The following NFIA variants were observed in gnomAD, a reference collection of about 807,000 sequenced individuals.
The protein encoded by NFIA is nuclear factor 1 A-type.
Under a neutral mutation model 62.8 loss-of-function variants are expected in NFIA, and 8 were observed. The observed-to-expected ratio is 0.13, with a 90% CI of 0.07 to 0.23. The LOEUF (loss-of-function observed/expected upper bound fraction) is 0.23, where lower values mean the gene tolerates loss of function less well. Among genes scored for constraint, NFIA ranks in the 10% least tolerant of loss-of-function variants. The pLI, the probability that NFIA is intolerant of heterozygous loss-of-function variation, is 1.00. For synonymous variants in NFIA, 235 were observed against 238.1 expected, an observed-to-expected ratio of 0.99 and a Z score of 0.12; for missense variants, 410 against 642.1, an observed-to-expected ratio of 0.64 and a Z score of 3.91.
intron 9 of NFIA, among the ~76,000 whole-genome samples, chr1:61,407,045 C>G (rs555725270): frequency 1.3e-5 from 2 of 152,216 alleles, no homozygotes; most frequent in Non-Finnish European, 2.9e-5. Context: ...GCAGCAGCTA[C>G]TTACATGGAT....
At chr1:61,225,923 C>T (rs957024510) in intron 2 of NFIA, among the ~76,000 whole-genome samples, 4 of 152,054 alleles carry the variant, frequency 2.6e-5, no homozygotes, top group Non-Finnish European at 2.9e-5. Context: ...GAATGGCTTG[C>T]AACTTTAAGG....
chr1:61,136,428 T>C (rs1186849494), intron 2 of NFIA, among the ~76,000 whole-genome samples: 2 of 152,150 alleles, frequency 1.3e-5, no homozygotes, highest in Non-Finnish European at 2.9e-5. Context: ...TTAGACAAAT[T>C]ATACGCAAAC....
chr1:61,155,667 G>A (rs1232931421), intron 2 of NFIA, among the ~76,000 whole-genome samples: 5 of 62,400 alleles, frequency 8.0e-5, no homozygotes, highest in Admixed American at 7.9e-4. Context: ...GCGACAGAGC[G>A]AGACTCCATC....
chr1:61,305,440 G>A (rs765060802), intron 3 of NFIA, among the ~76,000 whole-genome samples: 1 of 152,200 alleles, frequency 6.6e-6, no homozygotes. Context: ...ATGAACAGCA[G>A]AAAACAAGAG....
intron 2 of NFIA, among the ~76,000 whole-genome samples, chr1:61,263,050 A>G (rs998686521): frequency 1.3e-5 from 2 of 152,166 alleles, no homozygotes; most frequent in African/African-American, 4.8e-5. Flanking sequence ...AAGAGTTGCT[A>G]TTTCTGTCAC....
At chr1:61,109,689 A>G (rs1325595460) in intron 2 of NFIA, among the ~76,000 whole-genome samples, 1 of 151,986 alleles carries the variant, frequency 6.6e-6, no homozygotes, top group African/African-American at 2.4e-5. Flanking sequence ...CATTCTTAAT[A>G]TATTGAGATT....
chr1:61,437,455 G>A (rs1310439619), intron 10 of NFIA, among the ~76,000 whole-genome samples: 1 of 152,002 alleles, frequency 6.6e-6, no homozygotes, highest in African/African-American at 2.4e-5. Flanking sequence ...TGGATTCCTA[G>A]CTCATCTCTC....
Position 61,332,462 on chromosome 1 carries a change from A to C in NFIA, c.626-50A>C, listed in dbSNP as rs764758890. 16 of 1,524,748 alleles carry C rather than the reference A, an allele frequency of 1.0e-5. No individual in the cohort carries two copies. In the East Asian group the frequency reaches 3.2e-4, roughly 30 times the overall value. The allele number at this position is 1,524,748 out of a possible 1,614,324, so 94.5% of individuals were successfully genotyped here. On this transcript the variant is annotated intron_variant, in intron 3 of 10. Coordinates refer to ENST00000403491, the MANE Select transcript of NFIA (RefSeq NM_001134673.4). ...ACTAATATTTAAAGCTCTGTTGTCA[A>C]ATGTCTTGTATTTATGACACTTTGT... is the stretch of plus-strand genomic sequence containing the variant.
intron 10 of NFIA, among the ~76,000 whole-genome samples, chr1:61,428,731 GT>G (rs1221345301): frequency 6.6e-6 from 1 of 152,072 alleles, no homozygotes; most frequent in African/African-American, 2.4e-5. Flanking sequence ...GAGGACATCA[GT>G]TCAGAAGAGG....
chr1:61,338,310 G>A (rs979345631), intron 4 of NFIA, among the ~76,000 whole-genome samples: 3 of 152,222 alleles, frequency 2.0e-5, no homozygotes, highest in South Asian at 2.1e-4. Context: ...CAGCTGCCGG[G>A]TCCACTACAG....
intron 2 of NFIA, among the ~76,000 whole-genome samples, chr1:61,213,608 A>T (rs897001397): frequency 1.7e-4 from 26 of 152,192 alleles, no homozygotes; most frequent in African/African-American, 6.3e-4. Flanking sequence ...TTTTCCCAGG[A>T]TAAAATGCCC....
chr1:61,246,289 TGTA>T (rs1166837925), intron 2 of NFIA, among the ~76,000 whole-genome samples: 3 of 152,178 alleles, frequency 2.0e-5, no homozygotes, highest in African/African-American at 7.2e-5. Flanking sequence ...TAAATATAGT[TGTA>T]GTAATGATTG....
upstream of NFIA, chr1:61,081,973 G>A (rs1175585635): frequency 1.9e-6 from 3 of 1,550,540 alleles, no homozygotes; most frequent in African/African-American, 1.4e-5. Flanking sequence ...CCTCCTCCTC[G>A]GTTCTCTACG....
At chr1:61,371,112 C>A (rs191636208) in intron 6 of NFIA, among the ~76,000 whole-genome samples, 23 of 152,252 alleles carry the variant, frequency 1.5e-4, no homozygotes, top group African/African-American at 5.1e-4. Context: ...ATGAACCCAG[C>A]AGAAGAGAGC....
chr1:61,309,478 A>G (rs1199412854), intron 3 of NFIA, among the ~76,000 whole-genome samples: 2 of 114,408 alleles, frequency 1.7e-5, no homozygotes, highest in Non-Finnish European at 3.4e-5. Flanking sequence ...CACAGTGAGA[A>G]AAACAACAAC....
At position 61,088,403 on chromosome 1, in the gene NFIA, A is replaced by C; in HGVS notation, c.282A>C (p.Thr94=). The change falls in exon 2 of 11, where the codon ACA becomes ACC. Residue 94 remains threonine, a synonymous_variant. Transcript: ENST00000403491. The surrounding 1 kb of genome is among the most constrained non-coding windows in gnomAD (Gnocchi z 4.5). The part of the protein sequence containing the change: ...RPEYREDFVL[T]VTGKKPPCCV... ...AATATCGAGAGGATTTTGTTCTTACAGTTACAGGGAAAAAACCTCCATGTT... is the reference window on the plus strand; with the variant it reads ...AATATCGAGAGGATTTTGTTCTTACCGTTACAGGGAAAAAACCTCCATGTT... The C allele has an allele frequency of 6.2e-7, 1 of 1,613,968 alleles. No homozygotes were observed. Among genetic ancestry groups the C allele is most frequent in the Non-Finnish European group, 8.5e-7 (1 of 1,179,988 alleles).
chr1:61,199,843 A>C (rs575599598), intron 2 of NFIA, among the ~76,000 whole-genome samples: 82 of 151,080 alleles, frequency 5.4e-4, no homozygotes, highest in Non-Finnish European at 1.0e-3. Context: ...AAAAATACAA[A>C]AATTAGCCGG....
chr1:61,313,643 G>A (rs950245750), intron 3 of NFIA, among the ~76,000 whole-genome samples: 16 of 152,116 alleles, frequency 1.1e-4, no homozygotes, highest in African/African-American at 3.6e-4. Context: ...TCCCTGGACT[G>A]TAAAGCTGGA....
chr1:61,107,219 G>GT lies in NFIA; in HGVS notation c.559+18550dup, dbSNP rs1014497289. Among the ~76,000 whole-genome samples the GT allele has an allele frequency of 4.1e-3, 586 of 143,548 alleles. 1 individual carries two copies. Among genetic ancestry groups the GT allele is most frequent in the Middle Eastern group, 0.018 (5 of 284 alleles). The allele number at this position is 143,548 out of a possible 152,430, so 94.2% of individuals were successfully genotyped here. A position where few individuals can be genotyped will look rare whatever the true frequency, so the allele number is the denominator to read the frequency against. On this transcript the variant is annotated intron_variant, in intron 2 of 10. Coordinates refer to ENST00000403491, the MANE Select transcript of NFIA (RefSeq NM_001134673.4). ...GAATTACAGGGTGTGTAAATGTTAA[G>GT]TTTTTTTTTTTAAGAAAAGATAGTG... is the stretch of plus-strand genomic sequence containing the variant.
Sources: allele counts gnomAD v4.1 joint callset (sites outside exome capture counted in the v4.1 genomes callset), GRCh38; gene constraint gnomAD v4.1.1; non-coding constraint Gnocchi (gnomAD v3.1); transcripts MANE v1.5; gene names NCBI Gene and HGNC (gene_info 2026-07-23, HGNC 2026-07-21).